AGBL4: variants seen among roughly 807,000 people sequenced by gnomAD.
The protein encoded by AGBL4 is cytosolic carboxypeptidase 6.
A neutral mutation model predicts 66.4 loss-of-function variants in AGBL4; 58 were observed. The observed-to-expected ratio is 0.87, with a 90% CI of 0.71 to 1.09. AGBL4 has a LOEUF of 1.09. Ranked by LOEUF, AGBL4 falls within the 50% of genes least tolerant of loss-of-function variation. AGBL4 has a pLI of 0.00. For synonymous variants in AGBL4, 234 were observed against 222.9 expected (o/e 1.05, Z -0.44); for missense variants, 579 against 631.0 (o/e 0.92, Z 0.88).
chr1:48,539,200 T>C (rs1367679944), intron 12 of AGBL4, among the ~76,000 whole-genome samples: 1 of 152,228 alleles, frequency 6.6e-6, no homozygotes, highest in Non-Finnish European at 1.5e-5. Flanking sequence ...GACAGCACTG[T>C]GCTGGGTGCT....
intron 9 of AGBL4, among the ~76,000 whole-genome samples, chr1:48,617,352 A>T (rs1255868527): frequency 1.3e-5 from 2 of 152,200 alleles, no homozygotes; most frequent in Non-Finnish European, 2.9e-5. Context: ...AGGTCTAAAC[A>T]CTGGTGCTGA....
At chr1:49,731,379 G>A (rs2124714020) in intron 2 of AGBL4, among the ~76,000 whole-genome samples, 1 of 152,216 alleles carries the variant, frequency 6.6e-6, no homozygotes, top group East Asian at 1.9e-4. Flanking sequence ...AGATTGTTTT[G>A]TAAAACATAA....
chr1:49,572,103 A>T (rs1346203695), intron 3 of AGBL4, among the ~76,000 whole-genome samples: 2 of 152,130 alleles, frequency 1.3e-5, no homozygotes, highest in Admixed American at 1.3e-4. Flanking sequence ...ATTAGGGAGG[A>T]TTCTCTCCCA....
intron 9 of AGBL4, among the ~76,000 whole-genome samples, chr1:48,621,195 C>A (rs1219563030): frequency 6.6e-6 from 1 of 152,006 alleles, no homozygotes; most frequent in Non-Finnish European, 1.5e-5. Context: ...ATATGGGGAG[C>A]CTTCTGGGAC....
At chr1:48,821,985 G>A (rs545590452) in intron 6 of AGBL4, among the ~76,000 whole-genome samples, 1 of 152,236 alleles carries the variant, frequency 6.6e-6, no homozygotes, top group South Asian at 2.1e-4. Flanking sequence ...TTACTTGTTA[G>A]GGAAATGCAA....
intron 3 of AGBL4, among the ~76,000 whole-genome samples, chr1:49,289,898 A>G (rs1644501728): frequency 6.6e-6 from 1 of 152,148 alleles, no homozygotes; most frequent in Admixed American, 6.6e-5. Flanking sequence ...AAAAAACTCA[A>G]CAATACCAAA....
intron 5 of AGBL4, among the ~76,000 whole-genome samples, chr1:48,878,357 A>C (rs1292636614): frequency 1.3e-5 from 2 of 152,212 alleles, no homozygotes; most frequent in Non-Finnish European, 2.9e-5. Flanking sequence ...CAGCTTTGCC[A>C]CTAACTTGGT....
intron 5 of AGBL4, among the ~76,000 whole-genome samples, chr1:48,874,876 A>C (rs1649066391): frequency 6.6e-6 from 1 of 152,076 alleles, no homozygotes; most frequent in African/African-American, 2.4e-5. Context: ...TCTGTGCACC[A>C]CCACCTTACC....
chr1:48,598,078 C>T lies in AGBL4; in HGVS notation c.952-7093G>A, dbSNP rs546457441. ...GGGAAGGCCAGTAGCCAGATTGTGA[C>T]AAACACTGGAGCTAAGCCTGGACAG... On this transcript the variant is annotated intron_variant, in intron 9 of 13. Coordinates refer to ENST00000371839, the MANE Select transcript of AGBL4 (RefSeq NM_032785.4). Among the ~76,000 whole-genome samples the T allele has an allele frequency of 5.9e-5, 9 of 152,320 alleles. No homozygotes were observed. The South Asian group carries it at 1.9e-3, about 32-fold the overall frequency.
intron 6 of AGBL4, among the ~76,000 whole-genome samples, chr1:48,746,506 A>G (rs888747131): frequency 1.3e-5 from 2 of 152,186 alleles, no homozygotes; most frequent in Non-Finnish European, 2.9e-5. Flanking sequence ...AAGCTACTAT[A>G]CTGAGATCTT....
chr1:49,589,617 A>C (rs1324075614), intron 3 of AGBL4, among the ~76,000 whole-genome samples: 1 of 152,152 alleles, frequency 6.6e-6, no homozygotes, highest in Non-Finnish European at 1.5e-5. Flanking sequence ...TGGAAATTAT[A>C]TAATATTTCA....
At chr1:49,336,218 C>T (rs569175403) in intron 3 of AGBL4, among the ~76,000 whole-genome samples, 36 of 151,988 alleles carry the variant, frequency 2.4e-4, no homozygotes, top group African/African-American at 8.2e-4. Context: ...CAAAGCCCCC[C>T]CTGAGAATCA....
chr1:48,593,901 G>A (rs917042229), intron 9 of AGBL4, among the ~76,000 whole-genome samples: 2 of 152,176 alleles, frequency 1.3e-5, no homozygotes, highest in African/African-American at 4.8e-5. Flanking sequence ...AATATAGGTG[G>A]AATAAAACTT....
At chr1:49,465,947 T>A (rs970428193) in intron 3 of AGBL4, among the ~76,000 whole-genome samples, 2 of 151,820 alleles carry the variant, frequency 1.3e-5, no homozygotes, top group African/African-American at 4.8e-5. Flanking sequence ...TAGATGAAAG[T>A]AAAAGAGTCT....
intron 2 of AGBL4, among the ~76,000 whole-genome samples, chr1:49,743,946 C>T (rs1208201249): frequency 6.6e-6 from 1 of 151,240 alleles, no homozygotes; most frequent in Non-Finnish European, 1.5e-5. Context: ...GGAGATATAC[C>T]TAATGTTAAA....
At chr1:49,922,210 T>G (rs1260352666) in intron 1 of AGBL4, among the ~76,000 whole-genome samples, 1 of 152,212 alleles carries the variant, frequency 6.6e-6, no homozygotes, top group Non-Finnish European at 1.5e-5. Context: ...TTGATCACTG[T>G]GTATAAGCTT....
At chr1:49,506,366 T>C (rs1454488816) in intron 3 of AGBL4, among the ~76,000 whole-genome samples, 13 of 152,116 alleles carry the variant, frequency 8.5e-5, no homozygotes, top group Admixed American at 7.9e-4. Context: ...GGTTTGGCTA[T>C]GTCCCCACCT....
At chr1:49,736,480 TA>T (rs1203581078) in intron 2 of AGBL4, among the ~76,000 whole-genome samples, 1 of 152,076 alleles carries the variant, frequency 6.6e-6, no homozygotes, top group Non-Finnish European at 1.5e-5. Context: ...AAACCTGCCC[TA>T]TATAACAAAT....
At position 49,951,300 on chromosome 1, in the gene AGBL4, G is replaced by C. The variant is rs559048374; in HGVS notation, c.34+72463C>G. Among the ~76,000 whole-genome samples the C allele has an allele frequency of 5.9e-5, 9 of 151,966 alleles. No individual in the cohort carries two copies. In the South Asian group the frequency reaches 1.7e-3, roughly 28 times the overall value. On this transcript the variant is annotated intron_variant, in intron 1 of 13. Transcript: ENST00000371839. ...TGTCAGAATCAACATGGAGTCACTT[G>C]TGTCAAATCCCTGAAAAATGGAAAC...
Sources: gnomAD v4.1 joint callset for allele counts (sites outside exome capture counted in the v4.1 genomes callset) on GRCh38, gnomAD v4.1.1 for gene constraint, MANE v1.5 for transcripts, NCBI Gene and HGNC (gene_info 2026-07-23, HGNC 2026-07-21) for gene names.